Variants in RBM39 observed in about 807,000 individuals in gnomAD.
The protein encoded by RBM39 is RNA-binding protein 39.
A neutral mutation model predicts 79.6 loss-of-function variants in RBM39; 12 were observed. The observed-to-expected ratio is 0.15, with a 90% confidence interval of 0.10 to 0.24. The LOEUF is 0.24. Ranked by LOEUF, RBM39 falls within the 10% of genes least tolerant of loss-of-function variation. The pLI, the probability that RBM39 is intolerant of heterozygous loss-of-function variation, is 1.00. For synonymous variants in RBM39, 185 were observed against 208.4 expected (o/e 0.89, Z 0.97); for missense variants, 243 against 653.4 (o/e 0.37, Z 6.85).
chr20:35,713,176 A>C (rs2036651696), intron 11 of RBM39, 80 bp from the exon 12 acceptor site: 6 of 1,226,592 alleles, frequency 4.9e-6, no homozygotes, highest in Non-Finnish European at 7.0e-6. Flanking sequence ...TATCATGATC[A>C]CTTCACTAAA....
At chr20:35,707,427 G>C in intron 13 of RBM39, 1 of 327,322 alleles carries the variant, frequency 3.1e-6, no homozygotes, top group Non-Finnish European at 5.6e-6. Context: ...AAATTTGGGA[G>C]TCCTATTTTA....
intron 3 of RBM39, among the ~76,000 whole-genome samples, chr20:35,733,386 T>C (rs2039579355): frequency 6.6e-6 from 1 of 150,472 alleles, no homozygotes; most frequent in Non-Finnish European, 1.5e-5. Context: ...GGAAGGCAGG[T>C]CACCTGAGGT....
chr20:35,716,069 G>A (rs942869754), intron 10 of RBM39, among the ~76,000 whole-genome samples: 3 of 151,954 alleles, frequency 2.0e-5, no homozygotes, highest in African/African-American at 7.2e-5. Context: ...TTTATTTATA[G>A]TTTTATTTTT....
At chr20:35,723,907 G>A (rs1010370939) in intron 8 of RBM39, among the ~76,000 whole-genome samples, 6 of 152,160 alleles carry the variant, frequency 3.9e-5, no homozygotes, top group Non-Finnish European at 8.8e-5. Flanking sequence ...TGGGAGTGGT[G>A]GCACGCACCT....
intron 2 of RBM39, chr20:35,739,929 G>T (rs2040347516): frequency 6.2e-6 from 1 of 162,528 alleles, no homozygotes; most frequent in Non-Finnish European, 1.4e-5. Context: ...CTTACAGTTT[G>T]TGACACCAGT....
intron 15 of RBM39, chr20:35,704,982 A>G: frequency 3.4e-6 from 2 of 586,740 alleles, no homozygotes; most frequent in Non-Finnish European, 6.0e-6. Context: ...ATGAATCAAG[A>G]TGCCAAGATT....
intron 8 of RBM39, among the ~76,000 whole-genome samples, chr20:35,722,715 C>T (rs1486948432): frequency 6.6e-6 from 1 of 151,572 alleles, no homozygotes; most frequent in East Asian, 1.9e-4. Flanking sequence ...GGACGGATCA[C>T]GAGGTCAGGA....
Position 35,729,294 on chromosome 20 carries a change from T to TC in RBM39, c.416+17_416+18insG, listed in dbSNP as rs770793784. The stretch of plus-strand genomic sequence containing the variant: ...CAAAAGCTTTTTAAGAGCTAAAGGC[T>TC]TTAAAGAAGTAAACTACCTCACAGG... On this transcript the variant is annotated intron_variant, in intron 6 of 16. Transcript: ENST00000253363. 2.6e-5 allele frequency: 41 copies of TC among 1,571,658 alleles called. 1 individual carries two copies. In the South Asian group the frequency reaches 4.9e-4, roughly 19 times the overall value.
chr20:35,703,325 A>G lies in RBM39; in HGVS notation c.*1156T>C, dbSNP rs2035380139. The G allele has an allele frequency of 6.6e-6, 1 of 152,210 alleles. No individual in the cohort carries two copies. The highest frequency in any genetic ancestry group is 1.5e-5 in the Non-Finnish European group (1 of 68,038). 9.4% of individuals were successfully genotyped at this position (152,210 alleles called of 1,614,324 possible). On this transcript the variant is annotated 3_prime_UTR_variant, in exon 17 of 17. Transcript: ENST00000253363. ...TATTGTAAATGGTGAAAATTTCTTC[A>G]TAAATATGCCCAGACAATGCAGGAG... is the stretch of plus-strand genomic sequence containing the variant.
chr20:35,734,252 G>T (rs1022461519), intron 3 of RBM39: 72 of 1,302,984 alleles, frequency 5.5e-5, no homozygotes, highest in Middle Eastern at 2.1e-4. Context: ...GAGGCAGAAA[G>T]TTTGTCTAAA....
At chr20:35,734,688 C>T in intron 3 of RBM39, 2 of 594,224 alleles carry the variant, frequency 3.4e-6, no homozygotes, top group Admixed American at 3.9e-5. Flanking sequence ...GTAAACAAGT[C>T]CTCACCCACA....
intron 11 of RBM39, 195 bp downstream of exon 11, chr20:35,713,990 T>C: frequency 1.7e-6 from 1 of 585,734 alleles, no homozygotes; most frequent in South Asian, 2.3e-5. Context: ...TACTGTGGCA[T>C]TCAAAACACA....
chr20:35,716,585 C>T (rs758033593), intron 10 of RBM39, among the ~76,000 whole-genome samples, 155 bp downstream of exon 10: 25 of 151,812 alleles, frequency 1.6e-4, no homozygotes, highest in African/African-American at 5.1e-4. Flanking sequence ...CTTTTTTGAT[C>T]GGACACAGAG....
At chr20:35,737,958 A>T (rs2040137702) in intron 3 of RBM39, among the ~76,000 whole-genome samples, 1 of 151,210 alleles carries the variant, frequency 6.6e-6, no homozygotes, top group Non-Finnish European at 1.5e-5. Flanking sequence ...GATGGAGACC[A>T]TTCTGGCTAA....
At chr20:35,710,735 C>A (rs2036298529) in intron 12 of RBM39, among the ~76,000 whole-genome samples, 1 of 152,066 alleles carries the variant, frequency 6.6e-6, no homozygotes, top group South Asian at 2.1e-4. Flanking sequence ...TTTTAATGAC[C>A]ACCATCTGGA....
At chr20:35,740,718 A>G (rs1333380476) in intron 2 of RBM39, 106 bp downstream of exon 2, 1 of 1,341,146 alleles carries the variant, frequency 7.5e-7, no homozygotes, top group Non-Finnish European at 1.1e-6. Context: ...CTCTGATAAG[A>G]TAAATCAAGA....
At position 35,732,110 on chromosome 20, in the gene RBM39, G is replaced by A. The variant is rs759387271; in HGVS notation, c.127C>T (p.Arg43Cys). 2.0e-5 allele frequency: 33 copies of A among 1,613,372 alleles called. No homozygotes were observed. The highest frequency in any genetic ancestry group is 4.0e-5 in the African/African-American group (3 of 74,640). Residue 43 changes from arginine (R) to cysteine (C), a missense_variant, in exon 4 of 17, where the codon CGT becomes TGT. This residue lies in a region of RBM39 where 115 missense variants were observed against 184.1 expected (regional missense o/e 0.62). Coordinates refer to ENST00000253363, the MANE Select transcript of RBM39 (RefSeq NM_184234.3). The stretch of plus-strand genomic sequence containing the variant: ...TTGCTTCTCTTTCGTTCATGACTAC[G>A]ACTTCTGCTCTTGCTTTTTTTCCTC... ...KKRKKSKSRS[R>C]SHERKRSKSK...
At chr20:35,719,600 C>G (rs2037640937) in intron 9 of RBM39, among the ~76,000 whole-genome samples, 1 of 151,962 alleles carries the variant, frequency 6.6e-6, no homozygotes. Flanking sequence ...TCAATTGAAC[C>G]TGGGAGGCGG....
Position 35,719,984 on chromosome 20 carries a change from C to T in RBM39, c.825+1756G>A, listed in dbSNP as rs753369170. Reference sequence around the variant, plus strand: ...TTTTAGTAGAGACAAGGTTTTACCACGTTGGCCAAGCTGGTCTCAAACTCC... The same window carrying T: ...TTTTAGTAGAGACAAGGTTTTACCATGTTGGCCAAGCTGGTCTCAAACTCC... On this transcript the variant is annotated intron_variant, in intron 9 of 16. Coordinates refer to ENST00000253363, the MANE Select transcript of RBM39 (RefSeq NM_184234.3). 30 of 278,066 alleles carry T rather than the reference C, an allele frequency of 1.1e-4. 1 individual carries two copies. The highest frequency in any genetic ancestry group is 1.6e-4 in the South Asian group (6 of 36,936). The allele number at this position is 278,066 out of a possible 1,614,324, so 17.2% of individuals were successfully genotyped here. A position where few individuals can be genotyped will look rare whatever the true frequency, so the allele number is the denominator to read the frequency against.
Sources: gnomAD v4.1 joint callset for allele counts (sites outside exome capture counted in the v4.1 genomes callset) on GRCh38, gnomAD v4.1.1 for gene constraint, gnomAD v4.1.1 regional missense constraint, MANE v1.5 for transcripts, NCBI Gene and HGNC (gene_info 2026-07-23, HGNC 2026-07-21) for gene names.